Variants in ZMYM2 observed in about 807,000 individuals in gnomAD.
The protein encoded by ZMYM2 is zinc finger MYM-type containing 2.
ZMYM2 carries 56 observed loss-of-function variants against 162.8 expected under a neutral mutation model. The ratio of observed to expected loss-of-function variants is 0.34; its 90% CI spans 0.28 to 0.43. ZMYM2 has a LOEUF of 0.43. Among genes scored for constraint, ZMYM2 ranks in the 20% least tolerant of loss-of-function variants. ZMYM2 has a pLI of 1.00. For missense variants in ZMYM2, 1,275 were observed against 1,621.8 expected, an observed-to-expected ratio of 0.79 and a Z score of 3.67; for synonymous variants, 510 against 541.6, an observed-to-expected ratio of 0.94 and a Z score of 0.81.
chr13:19,968,672 A>G (rs538367393), intron 2 of ZMYM2, among the ~76,000 whole-genome samples: 1 of 152,342 alleles, frequency 6.6e-6, no homozygotes, highest in South Asian at 2.1e-4. Context: ...AATTATTTAC[A>G]AGGCAGTTTC....
In ZMYM2 at chr13:20,058,511, T is replaced by G. The variant is rs919327275; in HGVS notation, c.2494-64T>G. Reference sequence around the variant, plus strand: ...CTTCTTAGGACTGAAAATCCTTCATTGACACTAGGAAGTATTGAAAATTAG... The same window carrying G: ...CTTCTTAGGACTGAAAATCCTTCATGGACACTAGGAAGTATTGAAAATTAG... On this transcript the variant is annotated intron_variant, in intron 14 of 24. Transcript: ENST00000610343. 7.1e-6 allele frequency: 11 copies of G among 1,543,032 alleles called. No individual in the cohort carries two copies. The African/African-American group carries it at 1.5e-4, about 21-fold the overall frequency.
chr13:19,960,693 G>A (rs1330541324), intron 2 of ZMYM2, among the ~76,000 whole-genome samples: 2 of 152,184 alleles, frequency 1.3e-5, no homozygotes, highest in Non-Finnish European at 1.5e-5. Context: ...TGTGTTACCA[G>A]AGAATTATTT....
At chr13:20,042,322 A>T (rs779007738) in intron 12 of ZMYM2, among the ~76,000 whole-genome samples, 1 of 151,994 alleles carries the variant, frequency 6.6e-6, no homozygotes, top group African/African-American at 2.4e-5. Flanking sequence ...CAGCTCTGAG[A>T]GTCTTTCTTC....
At chr13:20,000,256 A>G (rs1260958726) in intron 3 of ZMYM2, among the ~76,000 whole-genome samples, 1 of 152,198 alleles carries the variant, frequency 6.6e-6, no homozygotes, top group African/African-American at 2.4e-5. Context: ...AACAAAAGAA[A>G]AGTTTGAAGC....
chr13:20,037,974 T>C (rs977777857), intron 12 of ZMYM2, among the ~76,000 whole-genome samples: 8 of 152,206 alleles, frequency 5.3e-5, no homozygotes, highest in African/African-American at 1.9e-4. Context: ...TAGGCCCCAG[T>C]GTCTGTTGTT....
At chr13:20,081,231 C>A (rs1234687296) in intron 21 of ZMYM2, among the ~76,000 whole-genome samples, 1 of 152,198 alleles carries the variant, frequency 6.6e-6, no homozygotes, top group Non-Finnish European at 1.5e-5. Flanking sequence ...CAATCTGCAT[C>A]TTTAATTAAC....
At chr13:19,903,680 G>T in the ZMYM2 span, among the ~76,000 whole-genome samples, 33 of 151,450 alleles carry the variant, frequency 2.2e-4, no homozygotes, top group African/African-American at 8.0e-4. Context: ...GACTAGCCGG[G>T]CAACATGGGG....
At chr13:20,021,185 C>A (rs1336303076) in intron 7 of ZMYM2, among the ~76,000 whole-genome samples, 1 of 152,050 alleles carries the variant, frequency 6.6e-6, no homozygotes, top group Non-Finnish European at 1.5e-5. Context: ...CCGTGTTAGC[C>A]AGGATGGTCT....
At chr13:19,910,339 G>A in the ZMYM2 span, among the ~76,000 whole-genome samples, 2 of 152,238 alleles carry the variant, frequency 1.3e-5, no homozygotes, top group African/African-American at 2.4e-5. Context: ...CAGTTAGTTA[G>A]GTTGGTTGGC....
chr13:20,061,144 A>G lies in ZMYM2; in HGVS notation c.2831A>G (p.Asp944Gly). 1 of 1,613,666 alleles carries G rather than the reference A, an allele frequency of 6.2e-7. No individual in the cohort carries two copies. The highest frequency in any genetic ancestry group is 8.5e-7 in the Non-Finnish European group (1 of 1,179,764). The change falls in exon 17 of 25, where the codon GAT becomes GGT. Residue 944 changes from aspartate to glycine, a missense_variant. By Grantham distance (94) the Asp-to-Gly change is moderately conservative. This residue lies in a region of ZMYM2 where 229 missense variants were observed against 283.8 expected (regional missense o/e 0.81). Coordinates refer to ENST00000610343, the MANE Select transcript of ZMYM2 (RefSeq NM_197968.4). ...GAGCTAAAAAGCAAGGTTTCTTCAG[A>G]TGCTCTTGATACAGAGTTGCTTACA... Reference protein sequence around the residue: ...IEELKSKVSSDALDTELLTMT... With the variant: ...IEELKSKVSSGALDTELLTMT...
the ZMYM2 span, among the ~76,000 whole-genome samples, chr13:19,886,274 C>T: frequency 1.4e-5 from 2 of 146,698 alleles, no homozygotes; most frequent in African/African-American, 5.1e-5. Context: ...AAGCGATTCT[C>T]CTGCCTCAGC....
chr13:19,880,460 A>C, the ZMYM2 span, among the ~76,000 whole-genome samples: 1 of 150,770 alleles, frequency 6.6e-6, no homozygotes, highest in Middle Eastern at 3.4e-3. Flanking sequence ...ATGGAGTCTC[A>C]CTCTGTCACC....
In ZMYM2 at chr13:20,031,358, G is replaced by A. The variant is rs1953117854; in HGVS notation, c.1891G>A (p.Ala631Thr). 1.2e-6 allele frequency: 2 copies of A among 1,608,896 alleles called. No homozygotes were observed. Among genetic ancestry groups the A allele is most frequent in the Non-Finnish European group, 1.7e-6 (2 of 1,178,734 alleles). ...GTCATCTCCAAATGGCCAGTTTGTA[G>A]CGCCAAGTGATATTCAGTTGAAATG... ...MQSSPNGQFV[A>T]PSDIQLKCNY... Residue 631 changes from alanine (A) to threonine (T), a missense_variant, in exon 10 of 25, where the codon GCG (alanine) becomes ACG (threonine). Physicochemically the swap from Ala to Thr is moderately conservative, Grantham distance 58 (BLOSUM62 0). Around this residue, in one of 10 missense-constraint regions of ZMYM2, gnomAD observed 276 missense variants for 311.8 expected, o/e 0.89. Transcript: ENST00000610343.
the ZMYM2 span, among the ~76,000 whole-genome samples, chr13:19,899,545 C>A: frequency 2.0e-5 from 3 of 151,776 alleles, no homozygotes; most frequent in Admixed American, 6.6e-5. Context: ...AGGCTGGGCT[C>A]GGTGACTCAT....
the ZMYM2 span, among the ~76,000 whole-genome samples, chr13:19,905,609 A>C: frequency 6.6e-6 from 1 of 152,038 alleles, no homozygotes; most frequent in African/African-American, 2.4e-5. Flanking sequence ...TATTCTCACT[A>C]GCCAACCCTA....
At chr13:20,031,701 T>G (rs969738154) in intron 10 of ZMYM2, among the ~76,000 whole-genome samples, 5 of 152,148 alleles carry the variant, frequency 3.3e-5, no homozygotes, top group Non-Finnish European at 5.9e-5. Flanking sequence ...TCACTTTGTT[T>G]AGCTACGTAC....
At chr13:20,075,864 TC>T (rs1204663606) in intron 21 of ZMYM2, among the ~76,000 whole-genome samples, 2 of 151,010 alleles carry the variant, frequency 1.3e-5, no homozygotes, top group East Asian at 2.0e-4. Context: ...GGGTTTTTTT[TC>T]CCCCCCATCC....
chr13:19,935,038 A>G, the ZMYM2 span, among the ~76,000 whole-genome samples: 1 of 152,042 alleles, frequency 6.6e-6, no homozygotes, highest in Admixed American at 6.6e-5. Flanking sequence ...AAGTGCTGGG[A>G]TTACAGGTGC....
the ZMYM2 span, among the ~76,000 whole-genome samples, chr13:19,946,341 A>T: frequency 6.6e-6 from 1 of 150,942 alleles, no homozygotes; most frequent in African/African-American, 2.4e-5. Flanking sequence ...CCTGCTCTTG[A>T]CTCTCCTTTC....
Sources: gnomAD v4.1 joint callset for allele counts (sites outside exome capture counted in the v4.1 genomes callset) on GRCh38, gnomAD v4.1.1 for gene constraint, gnomAD v4.1.1 regional missense constraint, MANE v1.5 for transcripts, NCBI Gene and HGNC (gene_info 2026-07-23, HGNC 2026-07-21) for gene names.